Variants in CLEC4F observed in about 807,000 individuals in gnomAD.
The protein encoded by CLEC4F is C-type (calcium dependent, carbohydrate-recognition domain) lectin, superfamily member 13.
A neutral mutation model predicts 53.4 loss-of-function variants in CLEC4F; 45 were observed. That is an observed-to-expected ratio of 0.84 (90% confidence interval 0.66 to 1.08). CLEC4F has a LOEUF of 1.08. Among genes scored for constraint, CLEC4F ranks in the 50% least tolerant of loss-of-function variants. The pLI, the probability that CLEC4F is intolerant of heterozygous loss-of-function variation, is 0.00. For missense variants in CLEC4F, 753 were observed against 698.2 expected (o/e 1.08, Z -0.88); for synonymous variants, 245 against 257.5 (o/e 0.95, Z 0.46).
At chr2:70,812,892 A>G (rs1676644264) in intron 4 of CLEC4F, among the ~76,000 whole-genome samples, 1 of 152,092 alleles carries the variant, frequency 6.6e-6, no homozygotes, top group African/African-American at 2.4e-5. Flanking sequence ...ACTCATTGCT[A>G]TCACCTGACA....
At chr2:70,811,002 T>G in intron 5 of CLEC4F, 34 of 597,284 alleles carry the variant, frequency 5.7e-5, no homozygotes, top group South Asian at 4.6e-4. Flanking sequence ...TACGGCATAC[T>G]GATTTTGGTG....
At chr2:70,819,268 G>A (rs1677089259) in intron 3 of CLEC4F, 87 bp downstream of exon 3, 4 of 1,011,968 alleles carry the variant, frequency 4.0e-6, no homozygotes, top group African/African-American at 3.2e-5. Flanking sequence ...AGTGGTCAGA[G>A]GGTACCAGGA....
rs575554427 is a variant in CLEC4F at position 70,820,487 on chromosome 2, G to A, written c.37C>T (p.Gln13Ter). Residue 13 changes from glutamine (Q) to a stop codon, truncating the protein, a stop_gained, in exon 1 of 7, where the codon CAG (glutamine) becomes TAG (stop). Transcript: ENST00000272367. LOFTEE classifies it high-confidence loss of function. ...GEAVRFCTDN[Q>*]CVSLHPQEVD... Reference sequence around the variant, plus strand: ...CCTTGGGGGTGCAGGGAGACACACTGGTTATCTGTGCAGAAGCGGACTGCC... The same window carrying A: ...CCTTGGGGGTGCAGGGAGACACACTAGTTATCTGTGCAGAAGCGGACTGCC... The A allele has an allele frequency of 6.3e-7, 1 of 1,590,380 alleles. No individual in the cohort carries two copies. Among genetic ancestry groups the A allele is most frequent in the South Asian group, 1.1e-5 (1 of 87,516 alleles).
chr2:70,816,630 T>C lies in CLEC4F; in HGVS notation c.751A>G (p.Asn251Asp), dbSNP rs62622841. ...CCTCTCAAAACATAGATCTCAGCATTAGCGTTCTTTAAACTGCTATTGGCT... is the reference window on the plus strand; with the variant it reads ...CCTCTCAAAACATAGATCTCAGCATCAGCGTTCTTTAAACTGCTATTGGCT... ...QLANSSLKNA[N>D]AEIYVLRGHL... Residue 251 changes from asparagine to aspartate, a missense_variant, in exon 4 of 7, where the codon AAT becomes GAT. Coordinates refer to ENST00000272367, the MANE Select transcript of CLEC4F (RefSeq NM_173535.3). 2,581 of 1,614,198 alleles carry C rather than the reference T, an allele frequency of 1.6e-3. 35 individuals carry two copies. The highest frequency in any genetic ancestry group is 0.015 in the South Asian group (1,344 of 91,084).
Position 70,819,370 on chromosome 2 carries a change from G to T in CLEC4F, c.253C>A (p.Pro85Thr). 1 of 1,614,112 alleles carries T rather than the reference G, an allele frequency of 6.2e-7. No homozygotes were observed. Among genetic ancestry groups the T allele is most frequent in the Non-Finnish European group, 8.5e-7 (1 of 1,180,002 alleles). Residue 85 changes from proline to threonine, a missense_variant, in exon 3 of 7, where the codon CCT (proline) becomes ACT (threonine). By Grantham distance (38) the Pro-to-Thr change is conservative. Coordinates refer to ENST00000272367, the MANE Select transcript of CLEC4F (RefSeq NM_173535.3). Reference sequence around the variant, plus strand: ...GGCTACTCACTGTTGGGTTCAAAAGGTAAATGCCCAGTAATGTTGTCTCCC... The same window carrying T: ...GGCTACTCACTGTTGGGTTCAAAAGTTAAATGCCCAGTAATGTTGTCTCCC... ...ILGDNITGHL[P>T]FEPNNHHHFG...
At chr2:70,811,680 T>C (rs1434687675) in intron 5 of CLEC4F, among the ~76,000 whole-genome samples, 1 of 152,070 alleles carries the variant, frequency 6.6e-6, no homozygotes, top group Non-Finnish European at 1.5e-5. Flanking sequence ...CCTGGGACGG[T>C]ATTGCGTTTG....
At chr2:70,817,392 G>A (rs896892568) in intron 3 of CLEC4F, among the ~76,000 whole-genome samples, 11 of 152,222 alleles carry the variant, frequency 7.2e-5, no homozygotes, top group Non-Finnish European at 1.0e-4. Flanking sequence ...CTGCCACCAG[G>A]AGTCATGCTG....
intron 4 of CLEC4F, among the ~76,000 whole-genome samples, chr2:70,813,279 AGAT>A (rs1676664113): frequency 1.3e-5 from 2 of 152,256 alleles, no homozygotes; most frequent in Non-Finnish European, 2.9e-5. Context: ...TACTGTACAA[AGAT>A]CAATCAGACA....
intron 1 of CLEC4F, among the ~76,000 whole-genome samples, chr2:70,820,152 A>G (rs1553397607): frequency 6.6e-6 from 1 of 152,178 alleles, no homozygotes; most frequent in Non-Finnish European, 1.5e-5. Context: ...TCCAAATCTC[A>G]AGGAGGCTTT....
intron 5 of CLEC4F, chr2:70,810,876 C>G (rs1203230554): frequency 5.4e-6 from 3 of 553,058 alleles, no homozygotes; most frequent in African/African-American, 1.9e-5. Context: ...CCTTGGACAT[C>G]AAATTATATT....
rs1023119252 is a variant in CLEC4F at position 70,819,712 on chromosome 2, C to T, written c.178+63G>A. The T allele has an allele frequency of 3.2e-6, 4 of 1,234,158 alleles. No individual in the cohort carries two copies. The African/African-American group carries it at 4.5e-5, about 14-fold the overall frequency. 76.5% of individuals were successfully genotyped at this position (1,234,158 alleles called of 1,614,324 possible). A position where few individuals can be genotyped will look rare whatever the true frequency, so the allele number is the denominator to read the frequency against. The stretch of plus-strand genomic sequence containing the variant: ...GGCCCAGAGAGTGTGCATCTGGGGC[C>T]CCTGGGGACTTTGTGCTGAAAGGAG... On this transcript the variant is annotated intron_variant, in intron 2 of 6. Transcript: ENST00000272367.
At chr2:70,823,014 G>A (rs556869614), upstream of CLEC4F, among the ~76,000 whole-genome samples, 17 of 152,356 alleles carry the variant, frequency 1.1e-4, no homozygotes, top group Admixed American at 5.9e-4. Flanking sequence ...TGTGCCATGC[G>A]TGGCTGATGT....
At chr2:70,810,544 G>A (rs1315326528) in intron 5 of CLEC4F, among the ~76,000 whole-genome samples, 6 of 150,694 alleles carry the variant, frequency 4.0e-5, no homozygotes, top group East Asian at 2.0e-4. Flanking sequence ...CCTTGAACCC[G>A]GGAGGCGGAG....
chr2:70,818,806 C>G (rs782774333), intron 3 of CLEC4F, among the ~76,000 whole-genome samples: 2 of 151,048 alleles, frequency 1.3e-5, no homozygotes, highest in Non-Finnish European at 2.9e-5. Flanking sequence ...TTCTCACATA[C>G]GAGATCATGA....
At chr2:70,814,210 T>G (rs1012804247) in intron 4 of CLEC4F, among the ~76,000 whole-genome samples, 3 of 151,712 alleles carry the variant, frequency 2.0e-5, no homozygotes, top group Non-Finnish European at 4.4e-5. Flanking sequence ...ACAGTTTGGA[T>G]TTTTTTTTCC....
At chr2:70,822,401 G>T (rs1408015518), upstream of CLEC4F, among the ~76,000 whole-genome samples, 1 of 151,908 alleles carries the variant, frequency 6.6e-6, no homozygotes, top group African/African-American at 2.4e-5. Flanking sequence ...CCAATGTGTG[G>T]CTTTCAATGA....
intron 4 of CLEC4F, among the ~76,000 whole-genome samples, chr2:70,813,549 TTC>T (rs1553394879): frequency 6.8e-6 from 1 of 146,840 alleles, no homozygotes; most frequent in Admixed American, 6.7e-5. Context: ...TTTTCTTTCT[TTC>T]TTTTTTTCTT....
intron 5 of CLEC4F, among the ~76,000 whole-genome samples, chr2:70,810,618 C>CAAAAAAAAA (rs58138583): frequency 2.7e-4 from 13 of 48,832 alleles, no homozygotes; most frequent in Admixed American, 7.9e-4. Context: ...AACTCTGTCG[C>CAAAAAAAAA]AAAAAAAAAA....
intron 4 of CLEC4F, among the ~76,000 whole-genome samples, chr2:70,813,597 CTCTTTCTT>C (rs370418600): frequency 0.014 from 1,499 of 106,260 alleles, 19 homozygotes; most frequent in African/African-American, 0.045. Flanking sequence ...CTCTTTCTTT[CTCTTTCTT>C]TCTTTCTTTC....
Sources: gnomAD v4.1 joint callset for allele counts (sites outside exome capture counted in the v4.1 genomes callset) on GRCh38, gnomAD v4.1.1 for gene constraint, MANE v1.5 for transcripts, NCBI Gene and HGNC (gene_info 2026-07-23, HGNC 2026-07-21) for gene names.